WWOX: variants seen among roughly 807,000 people sequenced by gnomAD.
WWOX encodes the protein WW domain-containing oxidoreductase.
Under a neutral mutation model 46.2 loss-of-function variants are expected in WWOX, and 69 were observed. The ratio of observed to expected loss-of-function variants is 1.49; its 90% CI spans 1.23 to 1.82. WWOX has a LOEUF of 1.82. WWOX is among the 40% of genes most tolerant of loss of function. The probability of loss-of-function intolerance (pLI) is 0.00; values close to 1 mark genes in which losing one functional copy is unlikely to be tolerated. For synonymous variants in WWOX, 359 were observed against 202.6 expected (o/e 1.77, Z -6.56); for missense variants, 919 against 542.6 (o/e 1.69, Z -6.89).
At chr16:78,614,829 G>A (rs1289058042) in intron 8 of WWOX, among the ~76,000 whole-genome samples, 1 of 152,192 alleles carries the variant, frequency 6.6e-6, no homozygotes, top group Non-Finnish European at 1.5e-5. Flanking sequence ...TGCATGTGCA[G>A]AACGTGCAGG....
chr16:78,875,578 G>A (rs908506985), intron 8 of WWOX, among the ~76,000 whole-genome samples: 15 of 152,016 alleles, frequency 9.9e-5, no homozygotes, highest in African/African-American at 2.7e-4. Context: ...CTCTCTTCCC[G>A]ACTCTTCATA....
At chr16:78,924,184 G>A (rs1033474706) in intron 8 of WWOX, among the ~76,000 whole-genome samples, 1 of 152,116 alleles carries the variant, frequency 6.6e-6, no homozygotes, top group Non-Finnish European at 1.5e-5. Flanking sequence ...GGTAGACCGG[G>A]GAAGGTAGCT....
chr16:78,687,987 A>G (rs980147849), intron 8 of WWOX, among the ~76,000 whole-genome samples: 4 of 152,174 alleles, frequency 2.6e-5, no homozygotes, highest in African/African-American at 9.7e-5. Context: ...TGAACTTGCT[A>G]CTTGGTTTGC....
chr16:78,964,628 G>T (rs1250821907), intron 8 of WWOX, among the ~76,000 whole-genome samples: 1 of 152,220 alleles, frequency 6.6e-6, no homozygotes, highest in Admixed American at 6.5e-5. Context: ...CCATTTTCTG[G>T]GGAGAAATTC....
At chr16:78,637,211 C>T (rs184932333) in intron 8 of WWOX, among the ~76,000 whole-genome samples, 1 of 152,166 alleles carries the variant, frequency 6.6e-6, no homozygotes, top group African/African-American at 2.4e-5. Flanking sequence ...CACCTGAGGT[C>T]AGGAGTTTGA....
intron 8 of WWOX, among the ~76,000 whole-genome samples, chr16:78,808,158 C>G (rs991194442): frequency 6.6e-6 from 1 of 152,178 alleles, no homozygotes; most frequent in Admixed American, 6.5e-5. Flanking sequence ...TTTTGGCACC[C>G]ATGTTATTCC....
chr16:78,258,707 C>CAAA (rs11396946), intron 5 of WWOX, among the ~76,000 whole-genome samples: 1 of 69,584 alleles, frequency 1.4e-5, no homozygotes, highest in Non-Finnish European at 2.7e-5. Context: ...TTCCTCCCTC[C>CAAA]AAAAAAAAAA....
intron 8 of WWOX, among the ~76,000 whole-genome samples, chr16:78,654,623 A>G (rs957787545): frequency 6.6e-6 from 1 of 151,902 alleles, no homozygotes; most frequent in South Asian, 2.1e-4. Flanking sequence ...TAATGTACCT[A>G]CCTATCTATA....
intron 8 of WWOX, among the ~76,000 whole-genome samples, chr16:78,809,363 A>C (rs2051130050): frequency 6.6e-6 from 1 of 151,870 alleles, no homozygotes; most frequent in Admixed American, 6.6e-5. Context: ...GGAAGAAAAA[A>C]GCATTTTTCG....
intron 4 of WWOX, among the ~76,000 whole-genome samples, chr16:78,160,490 T>G (rs1597287201): frequency 1.3e-5 from 2 of 152,212 alleles, no homozygotes; most frequent in African/African-American, 4.8e-5. Context: ...CTATACTCCT[T>G]AAGTTTGTAT....
chr16:78,957,287 A>T (rs1032581880), intron 8 of WWOX, among the ~76,000 whole-genome samples: 1 of 152,216 alleles, frequency 6.6e-6, no homozygotes, highest in Admixed American at 6.5e-5. Flanking sequence ...TGACGACCAG[A>T]TAATTATCTG....
At chr16:78,345,361 C>A (rs1307756274) in intron 5 of WWOX, among the ~76,000 whole-genome samples, 2 of 106,078 alleles carry the variant, frequency 1.9e-5, no homozygotes, top group African/African-American at 6.3e-5. Flanking sequence ...TGGCTCATAC[C>A]TTTAATCCCA....
rs1555535929 is a variant in WWOX, at chr16:78,420,651, ATT to A, written c.606-4203_606-4202del. Among the ~76,000 whole-genome samples, 1,074 of 139,096 alleles carry A rather than the reference ATT, an allele frequency of 7.7e-3. 8 individuals are homozygous for A. The highest frequency in any genetic ancestry group is 0.011 in the Non-Finnish European group (732 of 65,100). 91.3% of individuals were successfully genotyped at this position (139,096 alleles called of 152,430 possible). On this transcript the variant is annotated intron_variant, in intron 6 of 8. Transcript: ENST00000566780. ...GATAGAGGGTGGCTAGTGATTGCTA[ATT>A]TTTTTTTTTTTTTTTGAGTTAAAAA...
At chr16:78,741,852 C>G (rs2049235953) in intron 8 of WWOX, among the ~76,000 whole-genome samples, 1 of 152,226 alleles carries the variant, frequency 6.6e-6, no homozygotes, top group South Asian at 2.1e-4. Context: ...GAGACGCTGT[C>G]TCAAATAAAT....
intron 5 of WWOX, among the ~76,000 whole-genome samples, chr16:78,368,984 G>A (rs972049696): frequency 3.3e-4 from 50 of 151,820 alleles, no homozygotes; most frequent in African/African-American, 1.2e-3. Context: ...GCATTTCTCA[G>A]TCTCCCCATC....
rs749696966 is a variant in WWOX, at chr16:78,432,470, A to G, written c.792-18A>G. On this transcript the variant is annotated intron_variant, in intron 7 of 8. Transcript: ENST00000566780. ...AGTCAGAACTTGGTTGCTTCATGTC[A>G]TATTTCCTATTTTTAAGATTTACAG... The G allele has an allele frequency of 6.2e-7, 1 of 1,612,898 alleles. No individual in the cohort carries two copies. The highest frequency in any genetic ancestry group is 8.5e-7 in the Non-Finnish European group (1 of 1,179,766).
At chr16:78,613,822 A>C (rs1052251058) in intron 8 of WWOX, among the ~76,000 whole-genome samples, 6 of 152,194 alleles carry the variant, frequency 3.9e-5, no homozygotes, top group Admixed American at 1.3e-4. Flanking sequence ...GAAGTTTTCA[A>C]ATTTTAAGAA....
chr16:79,161,233 T>A (rs1051679574), intron 8 of WWOX, among the ~76,000 whole-genome samples: 2 of 152,002 alleles, frequency 1.3e-5, no homozygotes, highest in African/African-American at 4.8e-5. Flanking sequence ...CACAGGCAAG[T>A]GAAGGTGGTT....
chr16:78,860,739 G>T (rs770728002), intron 8 of WWOX, among the ~76,000 whole-genome samples: 7 of 152,222 alleles, frequency 4.6e-5, no homozygotes, highest in Non-Finnish European at 1.0e-4. Context: ...TGCAAAATGT[G>T]TGGATGTTCT....
Sources: gnomAD v4.1 joint callset for allele counts (sites outside exome capture counted in the v4.1 genomes callset) on GRCh38, gnomAD v4.1.1 for gene constraint, MANE v1.5 for transcripts, NCBI Gene and HGNC (gene_info 2026-07-23, HGNC 2026-07-21) for gene names.